The following ABCC1 variants were observed in gnomAD, a reference collection of about 807,000 sequenced individuals.
ABCC1 encodes the protein multidrug resistance-associated protein 1.
ABCC1 carries 83 observed loss-of-function variants against 172.9 expected under a neutral mutation model. The ratio of observed to expected loss-of-function variants is 0.48; its 90% CI spans 0.40 to 0.58. The LOEUF (loss-of-function observed/expected upper bound fraction) is 0.58. Among genes scored for constraint, ABCC1 ranks in the 20% least tolerant of loss-of-function variants. The pLI is 0.00. For synonymous variants in ABCC1, 937 were observed against 825.2 expected, an observed-to-expected ratio of 1.14 and a Z score of -2.32; for missense variants, 1,817 against 2,002.7, an observed-to-expected ratio of 0.91 and a Z score of 1.77.
Position 16,003,797 on chromosome 16 carries a change from G to GTGGA in ABCC1, c.49-4007_49-4004dup, listed in dbSNP as rs528577388. Among the ~76,000 whole-genome samples the GTGGA allele has an allele frequency of 4.9e-3, 126 of 25,580 alleles. 30 individuals are homozygous for GTGGA. Among genetic ancestry groups the GTGGA allele is most frequent in the Non-Finnish European group, 4.1e-3 (38 of 9,332 alleles). 16.8% of individuals were successfully genotyped at this position (25,580 alleles called of 152,430 possible). On this transcript the variant is annotated intron_variant, in intron 1 of 30. Transcript: ENST00000399410. ...GATGGATGGATGAACTGGTGGGTGG[G>GTGGA]TGGATGGATGGATGGGTGAATGAAT... is the stretch of plus-strand genomic sequence containing the variant.
chr16:15,990,320 T>G (rs919242849), intron 1 of ABCC1, among the ~76,000 whole-genome samples: 3 of 152,326 alleles, frequency 2.0e-5, no homozygotes, highest in African/African-American at 7.2e-5. Context: ...GTGCTGGGAT[T>G]ACAGGCATGA....
intron 19 of ABCC1, 111 bp from the exon 20 acceptor site, chr16:16,102,516 G>T: frequency 1.1e-6 from 1 of 908,296 alleles, no homozygotes; most frequent in Non-Finnish European, 1.7e-6. Flanking sequence ...GATCATCCTG[G>T]CGGCCAGGTG....
chr16:16,068,335 G>C lies in ABCC1; in HGVS notation c.1824+33G>C, dbSNP rs529317682. On this transcript the variant is annotated intron_variant, in intron 13 of 30. Coordinates refer to ENST00000399410, the MANE Select transcript of ABCC1 (RefSeq NM_004996.4). ...GGGAAGCTGGGGCGACTTCCGAGAG[G>C]GGGCCTTGGGGTTCTAGGCCACGAA... The C allele has an allele frequency of 1.9e-4, 298 of 1,610,798 alleles. 3 individuals are homozygous for C. The South Asian group carries it at 3.1e-3, about 17-fold the overall frequency.
chr16:16,000,611 T>C (rs920558293), intron 1 of ABCC1, among the ~76,000 whole-genome samples: 1 of 152,044 alleles, frequency 6.6e-6, no homozygotes, highest in Non-Finnish European at 1.5e-5. Flanking sequence ...AATTGTTAAA[T>C]TTTTTCAAAA....
intron 1 of ABCC1, among the ~76,000 whole-genome samples, chr16:15,963,372 T>C (rs144098548): frequency 6.6e-5 from 10 of 152,362 alleles, no homozygotes; most frequent in African/African-American, 2.2e-4. Context: ...TTCTGGGTTC[T>C]GGATGGTGGC....
intron 3 of ABCC1, among the ~76,000 whole-genome samples, chr16:16,013,923 C>T (rs8057422): frequency 0.23 from 35,286 of 151,966 alleles, 5,201 homozygotes; most frequent in African/African-American, 0.41. Flanking sequence ...AGAGCAGGGG[C>T]GATGGGGCAG....
At chr16:15,999,409 A>G (rs2047168087) in intron 1 of ABCC1, among the ~76,000 whole-genome samples, 1 of 151,788 alleles carries the variant, frequency 6.6e-6, no homozygotes, top group Non-Finnish European at 1.5e-5. Flanking sequence ...TGAGGTTGGG[A>G]GTTCCAGGAC....
At chr16:15,989,590 G>A (rs2046814393) in intron 1 of ABCC1, among the ~76,000 whole-genome samples, 1 of 152,060 alleles carries the variant, frequency 6.6e-6, no homozygotes, top group Non-Finnish European at 1.5e-5. Flanking sequence ...TCTGAGTGTG[G>A]CATTTAGGAG....
At position 16,141,556 on chromosome 16, in the gene ABCC1, C is replaced by G; in HGVS notation, c.*275C>G. 1 of 418,682 alleles carries G rather than the reference C, an allele frequency of 2.4e-6. No individual in the cohort carries two copies. The highest frequency in any genetic ancestry group is 4.3e-6 in the Non-Finnish European group (1 of 233,392). The allele number at this position is 418,682 out of a possible 1,614,324, so 25.9% of individuals were successfully genotyped here. Reference sequence around the variant, plus strand: ...TGAGACAGACACACAGCCTCACGCCCCCAGGAATGCAAGTGGTTTCCTGGT... The same window carrying G: ...TGAGACAGACACACAGCCTCACGCCGCCAGGAATGCAAGTGGTTTCCTGGT... On this transcript the variant is annotated 3_prime_UTR_variant, in exon 31 of 31. Coordinates refer to ENST00000399410, the MANE Select transcript of ABCC1 (RefSeq NM_004996.4).
intron 19 of ABCC1, among the ~76,000 whole-genome samples, chr16:16,095,515 C>CT (rs2051436362): frequency 1.3e-5 from 2 of 152,310 alleles, no homozygotes; most frequent in African/African-American, 4.8e-5. Flanking sequence ...CGAATTCCCC[C>CT]TTACCCTGCC....
At chr16:16,080,046 C>G (rs899114486) in intron 16 of ABCC1, among the ~76,000 whole-genome samples, 1 of 152,086 alleles carries the variant, frequency 6.6e-6, no homozygotes, top group Admixed American at 6.6e-5. Context: ...CTCCTGACCT[C>G]AAGTGATCTG....
intron 12 of ABCC1, among the ~76,000 whole-genome samples, chr16:16,066,318 A>G (rs945275583): frequency 1.7e-4 from 26 of 151,734 alleles, no homozygotes; most frequent in African/African-American, 6.1e-4. Context: ...AGTAGCTGGG[A>G]TTATAGGCAT....
intron 1 of ABCC1, among the ~76,000 whole-genome samples, chr16:15,966,335 C>T (rs1164488283): frequency 1.3e-5 from 2 of 151,586 alleles, no homozygotes; most frequent in African/African-American, 2.4e-5. Context: ...TTGCTTGAAC[C>T]CAGGAGGCGG....
At position 16,016,530 on chromosome 16, in the gene ABCC1, T is replaced by C. The variant is rs1258832316; in HGVS notation, c.524T>C (p.Phe175Ser). 1 of 1,614,168 alleles carries C rather than the reference T, an allele frequency of 6.2e-7. No individual in the cohort carries two copies. ...AQVDLFRDIT[F>S]YVYFSLLLIQ... ...GTGGACCTGTTTCGTGACATCACTT[T>C]CTACGTCTACTTTTCCCTCTTACTC... The change falls in exon 5 of 31, where the codon TTC becomes TCC. Residue 175 changes from phenylalanine (F) to serine (S), a missense_variant. Phe to Ser is a radical substitution (Grantham distance 155). Coordinates refer to ENST00000399410, the MANE Select transcript of ABCC1 (RefSeq NM_004996.4).
At chr16:16,136,220 T>TG (rs1423450503) in intron 28 of ABCC1, among the ~76,000 whole-genome samples, 1 of 151,778 alleles carries the variant, frequency 6.6e-6, no homozygotes, top group African/African-American at 2.4e-5. Context: ...GACAGGGTGT[T>TG]GCCATGTTGG....
chr16:15,999,809 C>CTCTCTT (rs374395529), intron 1 of ABCC1, among the ~76,000 whole-genome samples: 2 of 8,360 alleles, frequency 2.4e-4, no homozygotes, highest in African/African-American at 5.4e-4. Context: ...CTCTCTCTCT[C>CTCTCTT]CTCTCTCTCT....
At chr16:15,967,924 G>C (rs2046283634) in intron 1 of ABCC1, among the ~76,000 whole-genome samples, 1 of 152,176 alleles carries the variant, frequency 6.6e-6, no homozygotes, top group Non-Finnish European at 1.5e-5. Context: ...TACTTAAAGG[G>C]ACGTCTTTTC....
At chr16:16,009,579 A>G (rs1486770464) in intron 2 of ABCC1, among the ~76,000 whole-genome samples, 197 bp from the exon 3 acceptor site, 1 of 152,098 alleles carries the variant, frequency 6.6e-6, no homozygotes, top group Non-Finnish European at 1.5e-5. Flanking sequence ...ACAGACCATC[A>G]CGTGCCGGCC....
intron 20 of ABCC1, among the ~76,000 whole-genome samples, chr16:16,103,669 G>A (rs78984144): frequency 6.6e-5 from 10 of 152,200 alleles, no homozygotes; most frequent in Non-Finnish European, 1.5e-4. Flanking sequence ...AAACGTATCA[G>A]ACCGCGGAGA....
Sources: gnomAD v4.1 joint callset for allele counts (sites outside exome capture counted in the v4.1 genomes callset) on GRCh38, gnomAD v4.1.1 for gene constraint, MANE v1.5 for transcripts, NCBI Gene and HGNC (gene_info 2026-07-23, HGNC 2026-07-21) for gene names.